Variants in PTPRD observed in about 807,000 individuals in gnomAD.
PTPRD encodes receptor-type tyrosine-protein phosphatase delta.
PTPRD carries 34 observed loss-of-function variants against 214.5 expected under a neutral mutation model. The ratio of observed to expected loss-of-function variants is 0.16; its 90% CI spans 0.12 to 0.21. The LOEUF (loss-of-function observed/expected upper bound fraction) is 0.21, where lower values mean the gene tolerates loss of function less well. PTPRD is among the 10% of genes least tolerant of loss of function. The probability of loss-of-function intolerance (pLI) is 1.00; values close to 1 mark genes in which losing one functional copy is unlikely to be tolerated. For synonymous variants in PTPRD, 1,128 were observed against 845.7 expected (o/e 1.33, Z -5.79); for missense variants, 2,545 against 2,398.7 (o/e 1.06, Z -1.27).
intron 20 of PTPRD, 106 bp downstream of exon 20, chr9:8,521,171 G>A: frequency 1.6e-6 from 2 of 1,286,384 alleles, no homozygotes; most frequent in South Asian, 3.0e-5. Flanking sequence ...CATTTAAAAT[G>A]CTGAATAATG....
intron 8 of PTPRD, among the ~76,000 whole-genome samples, chr9:9,517,622 C>T (rs1351087534): frequency 6.6e-6 from 1 of 151,892 alleles, no homozygotes; most frequent in Non-Finnish European, 1.5e-5. Context: ...CCCAGTGAAA[C>T]ATTAGAATCC....
Position 8,991,141 on chromosome 9 carries a change from C to A in PTPRD, c.-104+27556G>T, listed in dbSNP as rs1304727960. Reference sequence around the variant, plus strand: ...GGCTGAGGCAGGAGAATCACTTGAACACGGGAGGTGGAGGCTGCAGTGAGC... The same window carrying A: ...GGCTGAGGCAGGAGAATCACTTGAAAACGGGAGGTGGAGGCTGCAGTGAGC... On this transcript the variant is annotated intron_variant, in intron 11 of 45. Transcript: ENST00000381196. Among the ~76,000 whole-genome samples the A allele has an allele frequency of 3.3e-5, 5 of 150,802 alleles. No homozygotes were observed. The South Asian group carries it at 8.4e-4, about 25-fold the overall frequency.
In PTPRD at chr9:8,940,125, G is replaced by A. The variant is rs1034924240; in HGVS notation, c.-104+78572C>T. On this transcript the variant is annotated intron_variant, in intron 11 of 45. Transcript: ENST00000381196. ...GGCAAAGGTTTTCAGACTGTAGAAT[G>A]TCCTATATTTCAGTCTGTCAAGACC... Among the ~76,000 whole-genome samples, 5 of 151,162 alleles carry A rather than the reference G, an allele frequency of 3.3e-5. No homozygotes were observed. In the East Asian group the frequency reaches 7.7e-4, roughly 23 times the overall value.
chr9:9,501,563 G>A (rs1185812655), intron 8 of PTPRD, among the ~76,000 whole-genome samples: 1 of 151,722 alleles, frequency 6.6e-6, no homozygotes, highest in Non-Finnish European at 1.5e-5. Flanking sequence ...CAACAATCTT[G>A]TTCTAGTTAA....
intron 9 of PTPRD, among the ~76,000 whole-genome samples, chr9:9,251,548 G>C (rs2099975486): frequency 6.6e-6 from 1 of 151,938 alleles, no homozygotes; most frequent in Non-Finnish European, 1.5e-5. Flanking sequence ...TTGACCTACA[G>C]TTGAATGTAC....
intron 7 of PTPRD, among the ~76,000 whole-genome samples, chr9:9,639,666 C>A (rs1207051352): frequency 6.6e-6 from 1 of 152,054 alleles, no homozygotes; most frequent in Admixed American, 6.6e-5. Flanking sequence ...AACATAAATA[C>A]CTTTGAGGTC....
chr9:8,556,017 G>C (rs947509267), intron 14 of PTPRD, among the ~76,000 whole-genome samples: 1 of 152,148 alleles, frequency 6.6e-6, no homozygotes, highest in African/African-American at 2.4e-5. Flanking sequence ...GTGTCTTGGC[G>C]GATCTGGAAA....
chr9:9,953,261 G>A (rs143878416), intron 4 of PTPRD, among the ~76,000 whole-genome samples: 57 of 152,230 alleles, frequency 3.7e-4, no homozygotes, highest in Non-Finnish European at 6.0e-4. Flanking sequence ...CCTCCACGAT[G>A]TGGACAGGCC....
chr9:9,228,734 A>C (rs1407796785), intron 9 of PTPRD, among the ~76,000 whole-genome samples: 1 of 152,140 alleles, frequency 6.6e-6, no homozygotes, highest in Non-Finnish European at 1.5e-5. Context: ...TGTATTTCAA[A>C]TGCCTAGCGT....
intron 12 of PTPRD, among the ~76,000 whole-genome samples, chr9:8,690,203 T>C (rs910897444): frequency 2.0e-5 from 3 of 151,998 alleles, no homozygotes; most frequent in Non-Finnish European, 4.4e-5. Context: ...TTTTTTCACA[T>C]ATATGACTTT....
chr9:9,086,061 T>C (rs1166902490), intron 10 of PTPRD, among the ~76,000 whole-genome samples: 1 of 152,174 alleles, frequency 6.6e-6, no homozygotes, highest in Non-Finnish European at 1.5e-5. Flanking sequence ...ATTTTCAAGG[T>C]GATTCTGTTA....
intron 10 of PTPRD, among the ~76,000 whole-genome samples, chr9:9,055,316 G>A (rs1331593176): frequency 1.3e-5 from 2 of 152,132 alleles, no homozygotes; most frequent in Non-Finnish European, 2.9e-5. Flanking sequence ...CCACAAAAAT[G>A]ATAACCATGT....
At chr9:8,383,461 G>C (rs180991234) in intron 37 of PTPRD, among the ~76,000 whole-genome samples, 4 of 152,288 alleles carry the variant, frequency 2.6e-5, no homozygotes, top group Non-Finnish European at 5.9e-5. Flanking sequence ...ACAAAATTTA[G>C]TAGGGCAGGA....
rs536131715 is a variant in PTPRD, at chr9:9,583,960, C to G, written c.-286-9179G>C. On this transcript the variant is annotated intron_variant, in intron 7 of 45. Coordinates refer to ENST00000381196, the MANE Select transcript of PTPRD (RefSeq NM_002839.4). Reference sequence around the variant, plus strand: ...TATTCTCTTCTTCCTTCATCCTTACCATACTTTTTTGCCAATTGGCAATTC... The same window carrying G: ...TATTCTCTTCTTCCTTCATCCTTACGATACTTTTTTGCCAATTGGCAATTC... Among the ~76,000 whole-genome samples, 3 of 152,118 alleles carry G rather than the reference C, an allele frequency of 2.0e-5. No individual in the cohort carries two copies. In the South Asian group the frequency reaches 6.2e-4, roughly 32 times the overall value.
rs189781203 is a variant in PTPRD, at chr9:8,624,767, A to G, written c.352+8550T>C. Among the ~76,000 whole-genome samples the G allele has an allele frequency of 3.6e-4, 54 of 151,984 alleles. 2 individuals are homozygous for G. Among genetic ancestry groups the G allele is most frequent in the African/African-American group, 1.2e-3 (51 of 41,532 alleles). On this transcript the variant is annotated intron_variant, in intron 14 of 45. Transcript: ENST00000381196. ...AGCACTGGAAGGTTGATACAAATTC[A>G]TGCTTATGTAGCTAGAAAGAGCATC...
At chr9:9,726,437 A>G (rs2098093083) in intron 7 of PTPRD, among the ~76,000 whole-genome samples, 1 of 142,544 alleles carries the variant, frequency 7.0e-6, no homozygotes. Flanking sequence ...CCATATTAGC[A>G]TAACCTCATT....
intron 3 of PTPRD, among the ~76,000 whole-genome samples, chr9:10,279,509 G>C (rs2094960244): frequency 6.6e-6 from 1 of 151,926 alleles, no homozygotes; most frequent in East Asian, 1.9e-4. Context: ...CATGTTCACA[G>C]TATCACTTTT....
intron 10 of PTPRD, among the ~76,000 whole-genome samples, chr9:9,066,803 C>A (rs2099735245): frequency 6.6e-6 from 1 of 152,250 alleles, no homozygotes. Context: ...TCTCGCAGAA[C>A]TTTGCGAAGC....
At chr9:8,981,069 G>A (rs1336906973) in intron 11 of PTPRD, among the ~76,000 whole-genome samples, 5 of 151,922 alleles carry the variant, frequency 3.3e-5, no homozygotes, top group South Asian at 4.1e-4. Context: ...CCTCGCTAAC[G>A]GAATTTCTTA....
Sources: allele counts gnomAD v4.1 joint callset (sites outside exome capture counted in the v4.1 genomes callset), GRCh38; gene constraint gnomAD v4.1.1; transcripts MANE v1.5; gene names NCBI Gene and HGNC (gene_info 2026-07-23, HGNC 2026-07-21).